The following SERINC4 variants were observed in gnomAD, a reference collection of about 807,000 sequenced individuals.
SERINC4 encodes serine incorporator 4.
Under a neutral mutation model 52.0 loss-of-function variants are expected in SERINC4, and 52 were observed. That is an observed-to-expected ratio of 1.00 (90% CI 0.80 to 1.26). The LOEUF is 1.26. Among genes scored for constraint, SERINC4 ranks in the 50% most tolerant of loss-of-function variants. The pLI is 0.00. For missense variants in SERINC4, 723 were observed against 632.8 expected, an observed-to-expected ratio of 1.14 and a Z score of -1.53; for synonymous variants, 264 against 247.7, an observed-to-expected ratio of 1.07 and a Z score of -0.62.
chr15:43,796,817 C>T, intron 7 of SERINC4, 28 bp downstream of exon 7: 1 of 1,613,462 alleles, frequency 6.2e-7, no homozygotes, highest in Non-Finnish European at 8.5e-7. Context: ...AAGGTCTTAG[C>T]ATGGAGAATC....
rs2087151459 is a variant in SERINC4 at position 43,794,358 on chromosome 15, C to T, written c.*642G>A. The T allele has an allele frequency of 5.6e-6, 1 of 179,192 alleles. No individual in the cohort carries two copies. The highest frequency in any genetic ancestry group is 1.2e-5 in the Non-Finnish European group (1 of 85,470). The allele number at this position is 179,192 out of a possible 1,614,324, so 11.1% of individuals were successfully genotyped here. A position where few individuals can be genotyped will look rare whatever the true frequency, so the allele number is the denominator to read the frequency against. The stretch of plus-strand genomic sequence containing the variant: ...CAAGATCTGTGTTTATGCCTCTTTT[C>T]CTCATTCTTCCTCAGTTTGTTCGTC... On this transcript the variant is annotated 3_prime_UTR_variant, in exon 12 of 12. Coordinates refer to ENST00000319327, the MANE Select transcript of SERINC4 (RefSeq NM_001258031.2).
At chr15:43,797,740 G>T (rs150460175) in intron 5 of SERINC4, 180 bp downstream of exon 5, 21 of 589,436 alleles carry the variant, frequency 3.6e-5, no homozygotes, top group Admixed American at 1.2e-4. Flanking sequence ...GCTCTCAGAA[G>T]ACTGGTGTGA....
At chr15:43,797,854 G>T in intron 5 of SERINC4, 66 bp downstream of exon 5, 1 of 1,181,120 alleles carries the variant, frequency 8.5e-7, no homozygotes, top group Non-Finnish European at 1.3e-6. Flanking sequence ...CTTTTGCCCA[G>T]CCCTTTCCAT....
Position 43,796,917 on chromosome 15 carries a change from G to GT in SERINC4, c.867dup (p.Gln290ThrfsTer41), listed in dbSNP as rs750478261. ...ATATAGCAGCTGATGACAGAAGCTT[G>GT]TAGGAGGCCAGAGCGGGGTTGCTCT... On this transcript the variant is annotated frameshift_variant, in exon 7 of 12. Transcript: ENST00000319327. LOFTEE classifies it high-confidence loss of function. 6.2e-7 allele frequency: 1 copy of GT among 1,614,082 alleles called. No homozygotes were observed. The highest frequency in any genetic ancestry group is 8.5e-7 in the Non-Finnish European group (1 of 1,179,930).
intron 4 of SERINC4, chr15:43,798,223 G>C (rs1447488978): frequency 1.3e-5 from 8 of 608,156 alleles, no homozygotes; most frequent in Non-Finnish European, 2.9e-6. Context: ...CTAATATTTT[G>C]TATTTTTAGT....
intron 5 of SERINC4, 83 bp downstream of exon 5, chr15:43,797,837 G>T: frequency 1.1e-6 from 1 of 925,592 alleles, no homozygotes; most frequent in Non-Finnish European, 1.8e-6. Context: ...CCAGTGCTCT[G>T]CCGTGCCTTT....
In SERINC4 at chr15:43,799,476, C is replaced by T; in HGVS notation, c.113G>A (p.Cys38Tyr). 6.4e-7 allele frequency: 1 copy of T among 1,550,808 alleles called. No individual in the cohort carries two copies. The highest frequency in any genetic ancestry group is 8.7e-7 in the Non-Finnish European group (1 of 1,147,042). The change falls in exon 2 of 12, where the codon TGT (cysteine) becomes TAT (tyrosine). Residue 38 changes from cysteine to tyrosine, a missense_variant. By Grantham distance (194) the Cys-to-Tyr change is radical. Coordinates refer to ENST00000319327, the MANE Select transcript of SERINC4 (RefSeq NM_001258031.2). ...VKSPFCQVCC[C>Y]GPAPCASCCH... Reference sequence around the variant, plus strand: ...GCAGCTGGCACAAGGAGCAGGCCCACAGCAGCACACCTGGGAGTAGAGCAG... The same window carrying T: ...GCAGCTGGCACAAGGAGCAGGCCCATAGCAGCACACCTGGGAGTAGAGCAG...
In SERINC4 at chr15:43,795,086, GCCAACAGAGTGGTGCCAGTAACAGC is replaced by G. The variant is rs1405682150; in HGVS notation, c.1446_1470del (p.Leu483ProfsTer11). On this transcript the variant is annotated frameshift_variant, in exon 12 of 12. Transcript: ENST00000319327. LOFTEE classifies it low-confidence loss of function (END_TRUNC). The stretch of plus-strand genomic sequence containing the variant: ...AGGGGCTGGGGTTTCTGGGTGGGGG[GCCAACAGAGTGGTGCCAGTAACAGC>G]CCCAGATAGAGGAGTACGCAGGCCC... 3 of 1,613,518 alleles carry G rather than the reference GCCAACAGAGTGGTGCCAGTAACAGC, an allele frequency of 1.9e-6. No homozygotes were observed. The highest frequency in any genetic ancestry group is 2.5e-6 in the Non-Finnish European group (3 of 1,179,938).
chr15:43,797,260 T>C lies in SERINC4; in HGVS notation c.729A>G (p.Leu243=), dbSNP rs764610541. 1.3e-6 allele frequency: 2 copies of C among 1,550,272 alleles called. No homozygotes were observed. Among genetic ancestry groups the C allele is most frequent in the Admixed American group, 2.0e-5 (1 of 50,976 alleles). ...YSMAGVGAVL[L]FHYYTHPAGC... The stretch of plus-strand genomic sequence containing the variant: ...CAGCTGGGTGTGTATAATAGTGGAA[T>C]AGGAGCACAGCTCCCACACCTGCCA... Residue 243 remains leucine (L), a synonymous_variant, in exon 6 of 12, where the codon CTA becomes CTG. Coordinates refer to ENST00000319327, the MANE Select transcript of SERINC4 (RefSeq NM_001258031.2).
At chr15:43,799,168 C>G in intron 2 of SERINC4, 31 bp from the exon 3 acceptor site, 3 of 1,540,124 alleles carry the variant, frequency 1.9e-6, no homozygotes, top group Non-Finnish European at 2.6e-6. Context: ...AATGGCAGGA[C>G]AAGTCATAAT....
At position 43,795,135 on chromosome 15, in the gene SERINC4, C is replaced by G; in HGVS notation, c.1422G>C (p.Trp474Cys). 1.2e-6 allele frequency: 2 copies of G among 1,614,060 alleles called. No individual in the cohort carries two copies. The highest frequency in any genetic ancestry group is 2.2e-5 in the South Asian group (2 of 91,084). The change falls in exon 12 of 12, where the codon TGG becomes TGC. Residue 474 changes from tryptophan (W) to cysteine (C), a missense_variant. Coordinates refer to ENST00000319327, the MANE Select transcript of SERINC4 (RefSeq NM_001258031.2). Reference sequence around the variant, plus strand: ...GCCCCAGATAGAGGAGTACGCAGGCCCAGCATGAGGCAACCTTGACCCAGA... The same window carrying G: ...GCCCCAGATAGAGGAGTACGCAGGCGCAGCATGAGGCAACCTTGACCCAGA... Reference protein sequence around the residue: ...ATFWVKVASCWACVLLYLGLL... With the variant: ...ATFWVKVASCCACVLLYLGLL...
chr15:43,795,988 G>A (rs2087206468), intron 9 of SERINC4, 167 bp downstream of exon 9: 1 of 657,726 alleles, frequency 1.5e-6, no homozygotes, highest in Admixed American at 2.9e-5. Flanking sequence ...TAAATTAAAT[G>A]AGATTATGTA....
chr15:43,797,754 G>C, intron 5 of SERINC4, 166 bp downstream of exon 5: 1 of 600,154 alleles, frequency 1.7e-6, no homozygotes, highest in Non-Finnish European at 3.0e-6. Flanking sequence ...GGTGTGACTA[G>C]CCATCCTACT....
chr15:43,797,381 C>A, intron 5 of SERINC4, 25 bp from the exon 6 acceptor site: 1 of 1,501,106 alleles, frequency 6.7e-7, no homozygotes, highest in Non-Finnish European at 9.0e-7. Flanking sequence ...TGGGCAATGG[C>A]TTGGAGCTCC....
At chr15:43,798,063 T>C (rs757292547) in intron 4 of SERINC4, 50 bp from the exon 5 acceptor site, 72 of 1,426,378 alleles carry the variant, frequency 5.0e-5, no homozygotes, top group Non-Finnish European at 6.0e-5. Flanking sequence ...CTTTTTTTTT[T>C]TTTTGAGACA....
rs981609554 is a variant in SERINC4 at position 43,799,872 on chromosome 15, C to T, written c.102+13G>A. ...CCCCAGCTTCGGCCACTCTCCCCTT[C>T]GCACCCTCTCACCTGACAGAAGGGA... On this transcript the variant is annotated intron_variant, in intron 1 of 11. Coordinates refer to ENST00000319327, the MANE Select transcript of SERINC4 (RefSeq NM_001258031.2). The T allele has an allele frequency of 2.0e-6, 3 of 1,533,530 alleles. No individual in the cohort carries two copies. The highest frequency in any genetic ancestry group is 2.6e-6 in the Non-Finnish European group (3 of 1,136,088). 95.0% of individuals were successfully genotyped at this position (1,533,530 alleles called of 1,614,324 possible).
chr15:43,796,943 G>T lies in SERINC4; in HGVS notation c.845-3C>A. On this transcript the variant is annotated splice_region_variant and splice_polypyrimidine_tract_variant and intron_variant, in intron 6 of 11. Transcript: ENST00000319327. Reference sequence around the variant, plus strand: ...TAGGAGGCCAGAGCGGGGTTGCTCTGGGGAGTAAGTATAATTGCTTTAGTC... The same window carrying T: ...TAGGAGGCCAGAGCGGGGTTGCTCTTGGGAGTAAGTATAATTGCTTTAGTC... The T allele has an allele frequency of 6.2e-7, 1 of 1,611,640 alleles. No individual in the cohort carries two copies. The highest frequency in any genetic ancestry group is 1.1e-5 in the South Asian group (1 of 90,940).
rs763503353 is a variant in SERINC4, at chr15:43,795,646, C to T, written c.1189+42G>A. On this transcript the variant is annotated intron_variant, in intron 10 of 11. Coordinates refer to ENST00000319327, the MANE Select transcript of SERINC4 (RefSeq NM_001258031.2). Reference sequence around the variant, plus strand: ...TCTTGAGGGTTCTTATGGCACTCCACAGAGATCTACCACTTCTTATGGTTC... The same window carrying T: ...TCTTGAGGGTTCTTATGGCACTCCATAGAGATCTACCACTTCTTATGGTTC... The T allele has an allele frequency of 3.6e-5, 58 of 1,611,566 alleles. No individual in the cohort carries two copies. The Admixed American group carries it at 6.2e-4, about 17-fold the overall frequency.
Position 43,796,373 on chromosome 15 carries a change from A to T in SERINC4, c.1068-146T>A, listed in dbSNP as rs2087216373. On this transcript the variant is annotated intron_variant, in intron 8 of 11. Transcript: ENST00000319327. The stretch of plus-strand genomic sequence containing the variant: ...CCACCAAAGATTTAGAATTCTATTC[A>T]TGTGAGAGCCCTAAGGTCTTTGGAC... The T allele has an allele frequency of 4.1e-6, 3 of 740,152 alleles. No individual in the cohort carries two copies. The African/African-American group carries it at 5.3e-5, about 13-fold the overall frequency. 45.8% of individuals were successfully genotyped at this position (740,152 alleles called of 1,614,324 possible).
Sources: allele counts gnomAD v4.1 joint callset, GRCh38; gene constraint gnomAD v4.1.1; transcripts MANE v1.5; gene names NCBI Gene and HGNC (gene_info 2026-07-23, HGNC 2026-07-21).